Variants in ABCA10 observed in about 807,000 individuals in gnomAD.
ABCA10 encodes ATP-binding cassette sub-family A member 10.
In ABCA10, 169 loss-of-function variants were observed where a neutral mutation model predicts 187.5. That is an observed-to-expected ratio of 0.90 (90% CI 0.80 to 1.02). The LOEUF is 1.02. Among genes scored for constraint, ABCA10 ranks in the 50% least tolerant of loss-of-function variants. ABCA10 has a pLI of 0.00. For missense variants in ABCA10, 1,727 were observed against 1,812.4 expected, an observed-to-expected ratio of 0.95 and a Z score of 0.86; for synonymous variants, 574 against 601.8, an observed-to-expected ratio of 0.95 and a Z score of 0.68.
chr17:69,160,939 T>C (rs1026356035), intron 27 of ABCA10, among the ~76,000 whole-genome samples: 5 of 152,174 alleles, frequency 3.3e-5, no homozygotes, highest in African/African-American at 1.2e-4. Flanking sequence ...AAGTAGCATC[T>C]TGAAGAGAGA....
At chr17:69,182,325 T>C in intron 21 of ABCA10, 35 bp from the exon 22 acceptor site, 1 of 1,345,376 alleles carries the variant, frequency 7.4e-7, no homozygotes, top group Non-Finnish European at 9.8e-7. Context: ...AGTTATAAAT[T>C]CTTATAGTAA....
At chr17:69,218,482 C>A (rs2074722317) in intron 6 of ABCA10, among the ~76,000 whole-genome samples, 1 of 151,974 alleles carries the variant, frequency 6.6e-6, no homozygotes. Flanking sequence ...AGTACTTAAA[C>A]AATGTTCATT....
At chr17:69,194,052 T>C (rs2074481428) in intron 12 of ABCA10, 63 bp from the exon 13 acceptor site, 2 of 1,412,536 alleles carry the variant, frequency 1.4e-6, no homozygotes, top group South Asian at 1.4e-5. Flanking sequence ...AGTGATAATA[T>C]ATGTTAGTAT....
intron 31 of ABCA10, 50 bp downstream of exon 31, chr17:69,154,185 G>A (rs1264395174): frequency 1.3e-6 from 2 of 1,501,198 alleles, no homozygotes; most frequent in African/African-American, 2.8e-5. Context: ...AGGAATAATA[G>A]AAAGATGTCA....
chr17:69,162,808 T>TATATAC lies in ABCA10; in HGVS notation c.3363+1260_3363+1265dup, dbSNP rs1189322907. ...TGGGGTTTATGTTGAAAAAATTACA[T>TATATAC]ATATACATATACATATACATATACA... On this transcript the variant is annotated intron_variant, in intron 27 of 38. Coordinates refer to ENST00000690296, the MANE Select transcript of ABCA10 (RefSeq NM_001377321.1). Among the ~76,000 whole-genome samples the TATATAC allele has an allele frequency of 8.5e-3, 1,074 of 126,276 alleles. 22 individuals carry two copies. Among genetic ancestry groups the TATATAC allele is most frequent in the East Asian group, 0.044 (211 of 4,746 alleles). The allele number at this position is 126,276 out of a possible 152,430, so 82.8% of individuals were successfully genotyped here.
At chr17:69,237,457 A>G (rs1380049897) in intron 1 of ABCA10, among the ~76,000 whole-genome samples, 1 of 152,160 alleles carries the variant, frequency 6.6e-6, no homozygotes, top group Non-Finnish European at 1.5e-5. Flanking sequence ...CCTCCTCTAG[A>G]ACTGGATTTT....
intron 18 of ABCA10, among the ~76,000 whole-genome samples, chr17:69,188,153 T>C (rs568561661): frequency 6.6e-6 from 1 of 152,320 alleles, no homozygotes; most frequent in African/African-American, 2.4e-5. Context: ...CACTAATGGA[T>C]ACTTTTGCAG....
intron 11 of ABCA10, among the ~76,000 whole-genome samples, chr17:69,195,130 C>G (rs75710583): frequency 5.3e-5 from 8 of 151,990 alleles, no homozygotes; most frequent in Non-Finnish European, 1.2e-4. Context: ...TTAACTCCAC[C>G]GGAAAATAAG....
rs749483067 is a variant in ABCA10, at chr17:69,182,758, A to C, written c.2548T>G (p.Leu850Val). ...CTGTTTCTAAAGTCATCTATTTCCA[A>C]AACTATATCCTGACACTTCAGTGAA... is the stretch of plus-strand genomic sequence containing the variant. ...VHSLKCQDIV[L>V]EIDDFRNRNG... The change falls in exon 21 of 39, where the codon TTG (leucine) becomes GTG (valine). Residue 850 changes from leucine to valine, a missense_variant. Physicochemically the swap from Leu to Val is conservative, Grantham distance 32 (BLOSUM62 1). Coordinates refer to ENST00000690296, the MANE Select transcript of ABCA10 (RefSeq NM_001377321.1). The C allele has an allele frequency of 1.2e-6, 2 of 1,612,622 alleles. No homozygotes were observed. The highest frequency in any genetic ancestry group is 1.7e-6 in the Non-Finnish European group (2 of 1,179,190).
chr17:69,175,742 T>C, intron 22 of ABCA10: 1 of 307,984 alleles, frequency 3.2e-6, no homozygotes, highest in South Asian at 4.4e-5. Flanking sequence ...TATACGGTAG[T>C]CTCCCGTTTC....
rs527244517 is a variant in ABCA10, at chr17:69,237,209, G to A, written c.-593+7320C>T. On this transcript the variant is annotated intron_variant, in intron 1 of 39. Transcript: ENST00000269081. Reference sequence around the variant, plus strand: ...ATCCAGGTCTCTTTTGGAATTTATTGGCAGAGAGAAAGAAAACCCTAAACG... The same window carrying A: ...ATCCAGGTCTCTTTTGGAATTTATTAGCAGAGAGAAAGAAAACCCTAAACG... Among the ~76,000 whole-genome samples the A allele has an allele frequency of 5.9e-5, 9 of 152,282 alleles. No homozygotes were observed. In the South Asian group the frequency reaches 1.2e-3, roughly 21 times the overall value.
At chr17:69,214,157 C>T (rs2074682856) in intron 9 of ABCA10, among the ~76,000 whole-genome samples, 1 of 152,200 alleles carries the variant, frequency 6.6e-6, no homozygotes, top group Admixed American at 6.5e-5. Context: ...CACATACATC[C>T]TACCTTTACG....
chr17:69,235,200 AAT>A (rs1360407445), intron 1 of ABCA10, among the ~76,000 whole-genome samples: 1 of 152,194 alleles, frequency 6.6e-6, no homozygotes, highest in Non-Finnish European at 1.5e-5. Flanking sequence ...ATTTACTTTC[AAT>A]ATTAGAGATA....
At chr17:69,212,611 G>A (rs1333874873) in intron 9 of ABCA10, among the ~76,000 whole-genome samples, 1 of 152,162 alleles carries the variant, frequency 6.6e-6, no homozygotes, top group Non-Finnish European at 1.5e-5. Flanking sequence ...CTTAGGTCTA[G>A]TAGTAATTGC....
rs765801501 is a variant in ABCA10, at chr17:69,194,431, T to C, written c.1299A>G (p.Lys433=). ...CACTAAGAATGTTTAGCAGTGTTGATTTACCAGCTCCATTATGCCCAAGTA... is the reference window on the plus strand; with the variant it reads ...CACTAAGAATGTTTAGCAGTGTTGACTTACCAGCTCCATTATGCCCAAGTA... ...TAILGHNGAG[K]STLLNILSGL... is the part of the protein sequence containing the mutation. The change falls in exon 12 of 39, where the codon AAA becomes AAG. Residue 433 remains lysine, a synonymous_variant. Coordinates refer to ENST00000690296, the MANE Select transcript of ABCA10 (RefSeq NM_001377321.1). 5.6e-6 allele frequency: 9 copies of C among 1,613,180 alleles called. No homozygotes were observed. The highest frequency in any genetic ancestry group is 7.6e-6 in the Non-Finnish European group (9 of 1,179,506).
chr17:69,231,209 G>A (rs531178411), upstream of ABCA10, among the ~76,000 whole-genome samples: 28 of 152,214 alleles, frequency 1.8e-4, no homozygotes, highest in South Asian at 4.6e-3. Flanking sequence ...TTGCAGATAC[G>A]TAACTCTAAT....
At chr17:69,211,615 C>A (rs1208278695) in intron 9 of ABCA10, among the ~76,000 whole-genome samples, 5 of 150,564 alleles carry the variant, frequency 3.3e-5, no homozygotes, top group Admixed American at 1.3e-4. Context: ...TTCCTGGACT[C>A]TTTGGGGGCG....
chr17:69,156,614 G>T (rs1214893190), intron 28 of ABCA10, among the ~76,000 whole-genome samples: 1 of 151,944 alleles, frequency 6.6e-6, no homozygotes, highest in Non-Finnish European at 1.5e-5. Context: ...GAGCAATATA[G>T]CAAGATCCTG....
chr17:69,193,064 G>A (rs563578981), intron 15 of ABCA10, 46 bp downstream of exon 15: 1 of 1,549,098 alleles, frequency 6.5e-7, no homozygotes, highest in East Asian at 2.3e-5. Flanking sequence ...TAACTCTCAT[G>A]TTAAATCCTT....
Sources: allele counts gnomAD v4.1 joint callset (sites outside exome capture counted in the v4.1 genomes callset), GRCh38; gene constraint gnomAD v4.1.1; transcripts MANE v1.5; gene names NCBI Gene and HGNC (gene_info 2026-07-23, HGNC 2026-07-21).